Variants in CACNA2D2 observed in about 807,000 individuals in gnomAD.
The protein encoded by CACNA2D2 is calcium voltage-gated channel auxiliary subunit alpha2delta 2.
In CACNA2D2, 48 loss-of-function variants were observed where a neutral mutation model predicts 166.4. The observed-to-expected ratio is 0.29, with a 90% CI of 0.23 to 0.37. The LOEUF (loss-of-function observed/expected upper bound fraction) is 0.37. CACNA2D2 is among the 10% of genes least tolerant of loss of function. The probability of loss-of-function intolerance (pLI) is 1.00; values close to 1 mark genes in which losing one functional copy is unlikely to be tolerated. For synonymous variants in CACNA2D2, 561 were observed against 573.7 expected (o/e 0.98, Z 0.32); for missense variants, 1,122 against 1,433.0 (o/e 0.78, Z 3.50).
chr3:50,468,044 C>T lies in CACNA2D2; in HGVS notation c.288+8074G>A, dbSNP rs753643366. 7.2e-5 allele frequency among the ~76,000 whole-genome samples: 11 copies of T among 152,280 alleles called. No individual in the cohort carries two copies. In the East Asian group the frequency reaches 7.7e-4, roughly 11 times the overall value. ...TCCATGAATCCGAGGCAAGTGTCTC[C>T]GTGGCTGCCACTGATCCAGCAATGA... On this transcript the variant is annotated intron_variant, in intron 2 of 37. Transcript: ENST00000424201.
intron 6 of CACNA2D2, among the ~76,000 whole-genome samples, chr3:50,382,402 T>C (rs1282204495): frequency 6.6e-6 from 1 of 152,168 alleles, no homozygotes; most frequent in Non-Finnish European, 1.5e-5. Context: ...TTCTCTAGCC[T>C]CTGCTCCGGC....
intron 2 of CACNA2D2, among the ~76,000 whole-genome samples, chr3:50,473,404 C>T (rs1420208291): frequency 6.6e-6 from 1 of 152,230 alleles, no homozygotes; most frequent in East Asian, 1.9e-4. Context: ...GGCACGCAGG[C>T]TGGGCAGCCT....
chr3:50,415,330 T>C (rs964806766), intron 3 of CACNA2D2, among the ~76,000 whole-genome samples: 1 of 152,202 alleles, frequency 6.6e-6, no homozygotes, highest in African/African-American at 2.4e-5. Context: ...AGGGTTGGGT[T>C]TGACTATGGA....
chr3:50,424,324 G>A (rs913112566), intron 3 of CACNA2D2, among the ~76,000 whole-genome samples: 4 of 152,246 alleles, frequency 2.6e-5, no homozygotes, highest in South Asian at 2.1e-4. Flanking sequence ...ATGGGGTCTC[G>A]GCTAGACCCC....
intron 1 of CACNA2D2, among the ~76,000 whole-genome samples, chr3:50,478,271 C>T (rs1216574386): frequency 6.6e-6 from 1 of 152,198 alleles, no homozygotes; most frequent in Non-Finnish European, 1.5e-5. Context: ...GCCTGCGTGA[C>T]CCCTGGCCCC....
chr3:50,442,270 G>C (rs1423867228), intron 2 of CACNA2D2, among the ~76,000 whole-genome samples: 1 of 152,206 alleles, frequency 6.6e-6, no homozygotes, highest in East Asian at 1.9e-4. Flanking sequence ...GTCCCCGCCT[G>C]CCTATGCCAG....
At chr3:50,408,735 G>A (rs951277480) in intron 3 of CACNA2D2, among the ~76,000 whole-genome samples, 4 of 152,114 alleles carry the variant, frequency 2.6e-5, no homozygotes, top group African/African-American at 9.7e-5. Context: ...AGGCGGAGGC[G>A]GCCTTGCTCC....
chr3:50,492,139 G>A (rs1392415756), intron 1 of CACNA2D2, among the ~76,000 whole-genome samples: 1 of 152,232 alleles, frequency 6.6e-6, no homozygotes, highest in South Asian at 2.1e-4. Flanking sequence ...AGTCTCACAG[G>A]CAGCACCCAG....
Position 50,366,427 on chromosome 3 carries a change from G to A in CACNA2D2, c.2638-89C>T. On this transcript the variant is annotated intron_variant, in intron 30 of 37. Coordinates refer to ENST00000424201, the MANE Select transcript of CACNA2D2 (RefSeq NM_006030.4). The surrounding 1 kb of genome is among the most constrained non-coding windows in gnomAD (Gnocchi z 5.9). ...CAGTCCAGTGGTTCAGAGTTGGGGGGCATCACTCCCCCAGTCCTGGGAAGG... is the reference window on the plus strand; with the variant it reads ...CAGTCCAGTGGTTCAGAGTTGGGGGACATCACTCCCCCAGTCCTGGGAAGG... 6.8e-7 allele frequency: 1 copy of A among 1,476,286 alleles called. No homozygotes were observed. The highest frequency in any genetic ancestry group is 9.5e-7 in the Non-Finnish European group (1 of 1,055,480). The allele number at this position is 1,476,286 out of a possible 1,614,324, so 91.4% of individuals were successfully genotyped here.
chr3:50,405,029 T>C (rs964034044), intron 3 of CACNA2D2, among the ~76,000 whole-genome samples: 4 of 152,268 alleles, frequency 2.6e-5, no homozygotes, highest in Admixed American at 6.5e-5. Flanking sequence ...TCCCATGATG[T>C]TATTTTTATA....
At chr3:50,395,275 G>C (rs1225640120) in intron 3 of CACNA2D2, among the ~76,000 whole-genome samples, 2 of 152,166 alleles carry the variant, frequency 1.3e-5, no homozygotes, top group Non-Finnish European at 2.9e-5. Flanking sequence ...GCCCTCCTCA[G>C]ATGAGGACGG....
chr3:50,502,314 G>A (rs1008884639), intron 1 of CACNA2D2, among the ~76,000 whole-genome samples: 1 of 152,186 alleles, frequency 6.6e-6, no homozygotes, highest in African/African-American at 2.4e-5. Flanking sequence ...TGCCCCAAAG[G>A]GGGTCTGGGC....
chr3:50,365,944 G>C lies in CACNA2D2; in HGVS notation c.2862+67C>G. On this transcript the variant is annotated intron_variant, in intron 32 of 37. Coordinates refer to ENST00000424201, the MANE Select transcript of CACNA2D2 (RefSeq NM_006030.4). The surrounding 1 kb of genome is among the most constrained non-coding windows in gnomAD (Gnocchi z 4.5). Reference sequence around the variant, plus strand: ...CCAGCTTTATCAAATGTCAGAGGTAGGGGGTCATCTGTGGGCAGGTCTCCC... The same window carrying C: ...CCAGCTTTATCAAATGTCAGAGGTACGGGGTCATCTGTGGGCAGGTCTCCC... The C allele has an allele frequency of 6.2e-7, 1 of 1,611,604 alleles. No individual in the cohort carries two copies.
chr3:50,379,388 C>T lies in CACNA2D2; in HGVS notation c.1152+44G>A, dbSNP rs1479125868. Reference sequence around the variant, plus strand: ...TTTCCTGGGTACACCAAGCCAGGGCCCTCTACTCCCCCAGCCGCCCACTTG... The same window carrying T: ...TTTCCTGGGTACACCAAGCCAGGGCTCTCTACTCCCCCAGCCGCCCACTTG... On this transcript the variant is annotated intron_variant, in intron 11 of 37. Transcript: ENST00000424201. The surrounding 1 kb of genome is among the most constrained non-coding windows in gnomAD (Gnocchi z 6.5). 2 of 1,604,376 alleles carry T rather than the reference C, an allele frequency of 1.2e-6. No individual in the cohort carries two copies. Among genetic ancestry groups the T allele is most frequent in the Admixed American group, 1.7e-5 (1 of 59,528 alleles).
At chr3:50,477,124 T>A (rs1432700646) in intron 1 of CACNA2D2, among the ~76,000 whole-genome samples, 1 of 151,702 alleles carries the variant, frequency 6.6e-6, no homozygotes, top group African/African-American at 2.4e-5. Context: ...AGAGATGGGG[T>A]TTCACTGTGT....
chr3:50,432,364 A>C (rs1708115394), intron 3 of CACNA2D2, among the ~76,000 whole-genome samples: 1 of 152,196 alleles, frequency 6.6e-6, no homozygotes, highest in East Asian at 1.9e-4. Context: ...TGGCAGGCCG[A>C]AAGGCCTGAG....
intron 2 of CACNA2D2, among the ~76,000 whole-genome samples, chr3:50,436,756 G>A (rs1708369797): frequency 6.6e-6 from 1 of 152,186 alleles, no homozygotes; most frequent in Non-Finnish European, 1.5e-5. Context: ...CTCTCTCCCT[G>A]CTAGATCTGT....
chr3:50,475,797 TGGGCCTG>T (rs1192296485), intron 2 of CACNA2D2, among the ~76,000 whole-genome samples: 1 of 152,130 alleles, frequency 6.6e-6, no homozygotes, highest in African/African-American at 2.4e-5. Flanking sequence ...TGACCCCTCC[TGGGCCTG>T]GGCTCCCACC....
chr3:50,497,138 C>A (rs1481948432), intron 1 of CACNA2D2, among the ~76,000 whole-genome samples: 15 of 152,174 alleles, frequency 9.9e-5, no homozygotes, highest in African/African-American at 3.6e-4. Context: ...GGTCCAGGCA[C>A]CCTCACACTG....
Sources: gnomAD v4.1 joint callset for allele counts (sites outside exome capture counted in the v4.1 genomes callset) on GRCh38, gnomAD v4.1.1 for gene constraint, Gnocchi (gnomAD v3.1) non-coding constraint, MANE v1.5 for transcripts, NCBI Gene and HGNC (gene_info 2026-07-23, HGNC 2026-07-21) for gene names.